Variants in EXOC1L observed in about 807,000 individuals in gnomAD.
EXOC1L encodes exocyst complex component 1-like.
EXOC1L carries 10 observed loss-of-function variants against 4.9 expected under a neutral mutation model. That is an observed-to-expected ratio of 2.02 (90% CI 1.25 to 3.43). The LOEUF (loss-of-function observed/expected upper bound fraction) is 3.43. EXOC1L is among the 30% of genes most tolerant of loss of function. The pLI is 0.00. For missense variants in EXOC1L, 114 were observed against 59.4 expected (o/e 1.92, Z -3.02); for synonymous variants, 41 against 20.8 (o/e 1.97, Z -2.63).
Position 55,819,840 on chromosome 4 carries a change from G to A in EXOC1L, c.-187G>A, listed in dbSNP as rs1256732699. ...CACTGGGCAGATACCGCAGTGAGGG[G>A]TCTGACCGCGCTGAGTGCTCTCGGG... is the stretch of plus-strand genomic sequence containing the variant. On this transcript the variant is annotated 5_prime_UTR_variant, in exon 1 of 3. Coordinates refer to ENST00000636125, the MANE Select transcript of EXOC1L (RefSeq NM_001351574.3). 5 of 365,450 alleles carry A rather than the reference G, an allele frequency of 1.4e-5. No homozygotes were observed. Among genetic ancestry groups the A allele is most frequent in the Non-Finnish European group, 1.9e-5 (4 of 206,016 alleles). The allele number at this position is 365,450 out of a possible 1,614,324, so 22.6% of individuals were successfully genotyped here.
chr4:55,833,117 G>A (rs1720074992), intron 2 of EXOC1L, among the ~76,000 whole-genome samples: 1 of 151,718 alleles, frequency 6.6e-6, no homozygotes, highest in African/African-American at 2.4e-5. Context: ...ACACCTTTTT[G>A]ACAATATGTT....
intron 2 of EXOC1L, among the ~76,000 whole-genome samples, chr4:55,834,014 T>C (rs1720099618): frequency 6.6e-6 from 1 of 151,950 alleles, no homozygotes; most frequent in Admixed American, 6.6e-5. Context: ...AATTTCTACT[T>C]CTCTTTTTTA....
intron 1 of EXOC1L, among the ~76,000 whole-genome samples, chr4:55,828,795 A>C (rs950891964): frequency 6.6e-6 from 1 of 152,174 alleles, no homozygotes; most frequent in Non-Finnish European, 1.5e-5. Context: ...GTGAGCCATG[A>C]TCATGCCACT....
At chr4:55,834,715 C>A (rs1002293398) in intron 2 of EXOC1L, among the ~76,000 whole-genome samples, 2 of 149,618 alleles carry the variant, frequency 1.3e-5, no homozygotes, top group Admixed American at 6.7e-5. Flanking sequence ...TAGTTATGAG[C>A]GCCAGAAAAA....
chr4:55,836,454 G>A (rs117911152), intron 2 of EXOC1L, among the ~76,000 whole-genome samples: 1 of 152,040 alleles, frequency 6.6e-6, no homozygotes, highest in East Asian at 1.9e-4. Flanking sequence ...ATTTTAACAT[G>A]TAGGACCTAG....
intron 1 of EXOC1L, among the ~76,000 whole-genome samples, chr4:55,826,161 T>C (rs1719879432): frequency 6.6e-6 from 1 of 152,002 alleles, no homozygotes; most frequent in South Asian, 2.1e-4. Flanking sequence ...GTCTTCTCAG[T>C]GACCCAAGAC....
chr4:55,830,485 A>G lies in EXOC1L; in HGVS notation c.122-849A>G, dbSNP rs1720002535. On this transcript the variant is annotated intron_variant, in intron 1 of 2. Coordinates refer to ENST00000636125, the MANE Select transcript of EXOC1L (RefSeq NM_001351574.3). ...CCCCTGCGGCATCTATTACAGTTCT[A>G]TCATGCAAGTAGCAAATACTCAGTA... 9.2e-5 allele frequency among the ~76,000 whole-genome samples: 14 copies of G among 152,308 alleles called. 2 individuals are homozygous for G. In the South Asian group the frequency reaches 2.7e-3, roughly 29 times the overall value.
chr4:55,824,249 T>A (rs1035316853), intron 1 of EXOC1L, among the ~76,000 whole-genome samples: 4 of 150,120 alleles, frequency 2.7e-5, no homozygotes, highest in African/African-American at 9.8e-5. Context: ...CTATATTTTT[T>A]TCAAGTCTCT....
At chr4:55,827,564 C>G (rs573641172) in intron 1 of EXOC1L, among the ~76,000 whole-genome samples, 1 of 152,078 alleles carries the variant, frequency 6.6e-6, no homozygotes, top group East Asian at 1.9e-4. Flanking sequence ...AAAGGGCACT[C>G]GAATATTTAT....
At chr4:55,824,721 G>T (rs1719838318) in intron 1 of EXOC1L, among the ~76,000 whole-genome samples, 1 of 152,126 alleles carries the variant, frequency 6.6e-6, no homozygotes, top group South Asian at 2.1e-4. Flanking sequence ...GTAGGTGAAG[G>T]TTACAATATG....
At chr4:55,824,408 G>C (rs888997697) in intron 1 of EXOC1L, among the ~76,000 whole-genome samples, 1 of 151,852 alleles carries the variant, frequency 6.6e-6, no homozygotes, top group Non-Finnish European at 1.5e-5. Flanking sequence ...TGACACCCAG[G>C]CTGGAGTGCA....
intron 1 of EXOC1L, among the ~76,000 whole-genome samples, chr4:55,828,088 C>T (rs1363925677): frequency 6.6e-6 from 1 of 152,164 alleles, no homozygotes; most frequent in Non-Finnish European, 1.5e-5. Context: ...GCCTTAGTCA[C>T]TCTCTCTGCC....
rs1720003192 is a variant in EXOC1L, at chr4:55,830,520, T to C, written c.122-814T>C. On this transcript the variant is annotated intron_variant, in intron 1 of 2. Transcript: ENST00000636125. ...TAGCAAATACTCAGTAAATACTCCTTTATTATAATAACTCATTGATAATTT... is the reference window on the plus strand; with the variant it reads ...TAGCAAATACTCAGTAAATACTCCTCTATTATAATAACTCATTGATAATTT... 4.6e-5 allele frequency among the ~76,000 whole-genome samples: 7 copies of C among 152,178 alleles called. No individual in the cohort carries two copies. In the South Asian group the frequency reaches 1.5e-3, roughly 32 times the overall value.
At chr4:55,825,707 A>G (rs1249502874) in intron 1 of EXOC1L, among the ~76,000 whole-genome samples, 1 of 152,126 alleles carries the variant, frequency 6.6e-6, no homozygotes, top group African/African-American at 2.4e-5. Context: ...CTTATAACCA[A>G]TCTTTTTCAT....
chr4:55,820,914 A>AT (rs1357757993), intron 1 of EXOC1L, among the ~76,000 whole-genome samples: 1 of 152,216 alleles, frequency 6.6e-6, no homozygotes, highest in East Asian at 1.9e-4. Context: ...AGGAGTGCTC[A>AT]TGCCATTATT....
chr4:55,825,653 A>G (rs948528980), intron 1 of EXOC1L, among the ~76,000 whole-genome samples: 1 of 151,898 alleles, frequency 6.6e-6, no homozygotes, highest in African/African-American at 2.4e-5. Flanking sequence ...CTTTCATTCT[A>G]TCTCCCGTTC....
chr4:55,834,527 G>A (rs548646125), intron 2 of EXOC1L, among the ~76,000 whole-genome samples: 12 of 152,034 alleles, frequency 7.9e-5, no homozygotes, highest in African/African-American at 2.6e-4. Flanking sequence ...CAATTATTAC[G>A]CTAAAGGAAA....
chr4:55,835,212 T>C (rs906010851), intron 2 of EXOC1L, among the ~76,000 whole-genome samples: 1 of 150,872 alleles, frequency 6.6e-6, no homozygotes, highest in Non-Finnish European at 1.5e-5. Context: ...ATATAAATCA[T>C]AATATATGTT....
chr4:55,825,327 A>G (rs184614919), intron 1 of EXOC1L, among the ~76,000 whole-genome samples: 13 of 152,282 alleles, frequency 8.5e-5, no homozygotes, highest in Non-Finnish European at 1.5e-4. Flanking sequence ...AACCAGTAAG[A>G]GTAGATGCTT....
Sources: allele counts gnomAD v4.1 joint callset (sites outside exome capture counted in the v4.1 genomes callset), GRCh38; gene constraint gnomAD v4.1.1; transcripts MANE v1.5; gene names NCBI Gene and HGNC (gene_info 2026-07-23, HGNC 2026-07-21).